NLK: variants seen among roughly 807,000 people sequenced by gnomAD.
NLK encodes serine/threonine-protein kinase NLK.
Under a neutral mutation model 59.0 loss-of-function variants are expected in NLK, and 11 were observed. The ratio of observed to expected loss-of-function variants is 0.19; its 90% CI spans 0.12 to 0.31. The LOEUF is 0.31. Among genes scored for constraint, NLK ranks in the 10% least tolerant of loss-of-function variants. The pLI is 1.00. For synonymous variants in NLK, 235 were observed against 235.9 expected (o/e 1.00, Z 0.03); for missense variants, 410 against 661.1 (o/e 0.62, Z 4.16).
At chr17:28,081,104 G>A (rs998437570) in intron 1 of NLK, among the ~76,000 whole-genome samples, 9 of 151,666 alleles carry the variant, frequency 5.9e-5, no homozygotes, top group African/African-American at 2.2e-4. Flanking sequence ...TGCATAGGGT[G>A]GTCTTGAACT....
chr17:28,165,578 C>T (rs780105454), intron 5 of NLK, among the ~76,000 whole-genome samples: 4 of 152,162 alleles, frequency 2.6e-5, no homozygotes, highest in Non-Finnish European at 4.4e-5. Context: ...TATAACAAAA[C>T]ATTTTTTAAA....
rs149432630 is a variant in NLK, at chr17:28,192,460, G to C, written c.1529+247G>C. Among the ~76,000 whole-genome samples, 353 of 152,224 alleles carry C rather than the reference G, an allele frequency of 2.3e-3. 5 individuals carry two copies. The highest frequency in any genetic ancestry group is 7.9e-3 in the African/African-American group (326 of 41,522). On this transcript the variant is annotated intron_variant, in intron 10 of 10. Coordinates refer to ENST00000407008, the MANE Select transcript of NLK (RefSeq NM_016231.5). The stretch of plus-strand genomic sequence containing the variant: ...AAGGCAGACAGATCACCTGAGGTCT[G>C]GAGTTCAAGACCAGCCTGACTAACA...
intron 8 of NLK, among the ~76,000 whole-genome samples, chr17:28,187,449 C>T (rs923426309): frequency 3.3e-5 from 5 of 152,228 alleles, no homozygotes; most frequent in South Asian, 2.1e-4. Flanking sequence ...ATTACAGGCA[C>T]GTGCCACCAC....
chr17:28,155,452 A>AT, intron 3 of NLK, among the ~76,000 whole-genome samples: 1 of 152,320 alleles, frequency 6.6e-6, no homozygotes, highest in African/African-American at 2.4e-5. Context: ...AGGATTATAA[A>AT]TCATGCAGCT....
chr17:28,128,065 A>G (rs1171936155), intron 2 of NLK, among the ~76,000 whole-genome samples: 2 of 152,220 alleles, frequency 1.3e-5, no homozygotes, highest in Non-Finnish European at 2.9e-5. Context: ...AGATATCCAT[A>G]TTAAAAAAAT....
chr17:28,099,123 T>C (rs1259994361), intron 1 of NLK, among the ~76,000 whole-genome samples: 2 of 152,202 alleles, frequency 1.3e-5, no homozygotes, highest in Non-Finnish European at 2.9e-5. Flanking sequence ...TCCAGAAATG[T>C]ACTAATTAAC....
intron 8 of NLK, among the ~76,000 whole-genome samples, chr17:28,189,235 C>A (rs1033948873): frequency 6.6e-6 from 1 of 152,304 alleles, no homozygotes; most frequent in South Asian, 2.1e-4. Context: ...TAAAATGGCA[C>A]ATCTGCAGGC....
chr17:28,187,387 C>G (rs1266804893), intron 8 of NLK, among the ~76,000 whole-genome samples: 1 of 152,186 alleles, frequency 6.6e-6, no homozygotes, highest in East Asian at 1.9e-4. Context: ...CACTGCACCT[C>G]CACCTCCCGG....
At chr17:28,183,020 A>C (rs1908972976) in intron 7 of NLK, among the ~76,000 whole-genome samples, 2 of 152,340 alleles carry the variant, frequency 1.3e-5, no homozygotes, top group South Asian at 4.1e-4. Context: ...CTAAAAATTC[A>C]AAGTTTTATA....
At chr17:28,111,890 GTGTGTGGTGTGTGTGTGTGTGT>G (rs1277892452) in intron 1 of NLK, among the ~76,000 whole-genome samples, 26 of 117,560 alleles carry the variant, frequency 2.2e-4, no homozygotes, top group African/African-American at 8.4e-4. Flanking sequence ...GTGTGTGTGT[GTGTGTGGTGTGTGTGTGTGTGT>G]GTGTGTGTGT....
chr17:28,123,390 A>C (rs942658415), intron 2 of NLK, among the ~76,000 whole-genome samples: 1 of 152,198 alleles, frequency 6.6e-6, no homozygotes, highest in African/African-American at 2.4e-5. Context: ...AACCTGAGAC[A>C]AATTAGACCC....
chr17:28,082,199 G>A (rs1007047345), intron 1 of NLK, among the ~76,000 whole-genome samples: 8 of 152,100 alleles, frequency 5.3e-5, no homozygotes, highest in South Asian at 2.1e-4. Flanking sequence ...CACTGCGCCC[G>A]GCCTGAAATT....
At chr17:28,064,548 A>G (rs1447793478) in intron 1 of NLK, among the ~76,000 whole-genome samples, 1 of 152,156 alleles carries the variant, frequency 6.6e-6, no homozygotes, top group African/African-American at 2.4e-5. Context: ...TAAGACAGAC[A>G]TTTAACACAT....
intron 1 of NLK, among the ~76,000 whole-genome samples, chr17:28,106,730 A>C (rs1053128208): frequency 2.0e-5 from 3 of 152,220 alleles, no homozygotes; most frequent in Non-Finnish European, 4.4e-5. Flanking sequence ...TAAGAAAACA[A>C]CAGGTTTTCA....
At chr17:28,109,608 T>C (rs1014890714) in intron 1 of NLK, among the ~76,000 whole-genome samples, 1 of 152,240 alleles carries the variant, frequency 6.6e-6, no homozygotes, top group African/African-American at 2.4e-5. Flanking sequence ...ATAAGTGATA[T>C]ATTATGTAGT....
intron 9 of NLK, 35 bp downstream of exon 9, chr17:28,191,254 T>G: frequency 6.6e-7 from 1 of 1,513,216 alleles, no homozygotes; most frequent in Non-Finnish European, 8.9e-7. Context: ...CCAGGCAATA[T>G]GCCTAGTAAC....
chr17:28,126,878 G>A (rs1164901363), intron 2 of NLK, among the ~76,000 whole-genome samples: 1 of 152,136 alleles, frequency 6.6e-6, no homozygotes, highest in Non-Finnish European at 1.5e-5. Context: ...ATTTGTGCTT[G>A]TATGTATATA....
chr17:28,095,424 T>TA (rs920911283), intron 1 of NLK, among the ~76,000 whole-genome samples: 1 of 151,976 alleles, frequency 6.6e-6, no homozygotes, highest in South Asian at 2.1e-4. Context: ...TATTACTTTC[T>TA]AAAAAAAATT....
At position 28,107,711 on chromosome 17, in the gene NLK, A is replaced by G. The variant is rs1905247520; in HGVS notation, c.459-14892A>G. Among the ~76,000 whole-genome samples the G allele has an allele frequency of 3.9e-5, 6 of 152,334 alleles. No individual in the cohort carries two copies. The South Asian group carries it at 1.2e-3, about 32-fold the overall frequency. On this transcript the variant is annotated intron_variant, in intron 1 of 10. Coordinates refer to ENST00000407008, the MANE Select transcript of NLK (RefSeq NM_016231.5). The stretch of plus-strand genomic sequence containing the variant: ...TTCAGGATTGGTTCAGTGTAAGTCA[A>G]ACTATTAATATAATCCATTTCATTA...
Sources: allele counts gnomAD v4.1 joint callset (sites outside exome capture counted in the v4.1 genomes callset), GRCh38; gene constraint gnomAD v4.1.1; transcripts MANE v1.5; gene names NCBI Gene and HGNC (gene_info 2026-07-23, HGNC 2026-07-21).